Variants in KCNB2 observed in about 807,000 individuals in gnomAD.
KCNB2 encodes the protein potassium voltage-gated channel subfamily B member 2, also known as delayed rectifier potassium channel protein.
In KCNB2, 15 loss-of-function variants were observed where a neutral mutation model predicts 61.5. The ratio of observed to expected loss-of-function variants is 0.24; its 90% CI spans 0.16 to 0.38. KCNB2 has a LOEUF of 0.38. Ranked by LOEUF, KCNB2 falls within the 10% of genes least tolerant of loss-of-function variation. The pLI is 1.00. For synonymous variants in KCNB2, 457 were observed against 446.0 expected (o/e 1.02, Z -0.31); for missense variants, 828 against 1,125.2 (o/e 0.74, Z 3.78).
chr8:72,702,950 A>G (rs962838740), intron 2 of KCNB2, among the ~76,000 whole-genome samples: 1 of 152,196 alleles, frequency 6.6e-6, no homozygotes, highest in Non-Finnish European at 1.5e-5. Flanking sequence ...CCTTCTGCAC[A>G]GTGACCTGGA....
At chr8:72,754,290 A>T (rs1808248872) in intron 2 of KCNB2, among the ~76,000 whole-genome samples, 1 of 152,216 alleles carries the variant, frequency 6.6e-6, no homozygotes, top group South Asian at 2.1e-4. Context: ...GGGGACCTTG[A>T]GTATGGACAG....
chr8:72,752,489 A>C, intron 2 of KCNB2, among the ~76,000 whole-genome samples: 1 of 152,134 alleles, frequency 6.6e-6, no homozygotes, highest in South Asian at 2.1e-4. Flanking sequence ...TTTCTCCCTC[A>C]CTGCTGGAGC....
chr8:72,704,250 A>G (rs80060691), intron 2 of KCNB2, among the ~76,000 whole-genome samples: 187 of 152,324 alleles, frequency 1.2e-3, no homozygotes, highest in African/African-American at 4.1e-3. Flanking sequence ...ATTAATGACT[A>G]CTAACATTTG....
chr8:72,906,301 C>T (rs796603271), intron 2 of KCNB2, among the ~76,000 whole-genome samples: 7 of 152,302 alleles, frequency 4.6e-5, no homozygotes, highest in African/African-American at 1.7e-4. Flanking sequence ...TTTTAAGAAG[C>T]CAATGAATCT....
chr8:72,794,726 G>A (rs550806236), intron 2 of KCNB2, among the ~76,000 whole-genome samples: 4 of 152,252 alleles, frequency 2.6e-5, no homozygotes, highest in African/African-American at 9.6e-5. Context: ...GATCTAATAG[G>A]CAATTGAATA....
chr8:72,718,764 G>A (rs763320715), intron 2 of KCNB2, among the ~76,000 whole-genome samples: 7 of 152,056 alleles, frequency 4.6e-5, no homozygotes, highest in Non-Finnish European at 8.8e-5. Flanking sequence ...ATATACATAT[G>A]TAACAAACCT....
intron 2 of KCNB2, among the ~76,000 whole-genome samples, chr8:72,843,792 A>G (rs549276091): frequency 3.3e-5 from 5 of 152,062 alleles, no homozygotes; most frequent in Non-Finnish European, 5.9e-5. Flanking sequence ...TTGCTTGGTA[A>G]ATATTCCTCC....
intron 2 of KCNB2, among the ~76,000 whole-genome samples, chr8:72,780,108 C>T (rs544972162): frequency 6.6e-6 from 1 of 152,270 alleles, no homozygotes; most frequent in Admixed American, 6.5e-5. Flanking sequence ...TAAGTGGAAT[C>T]TAGTGGTTCA....
chr8:72,768,818 AT>A (rs1314666588), intron 2 of KCNB2, among the ~76,000 whole-genome samples: 1 of 151,970 alleles, frequency 6.6e-6, no homozygotes, highest in African/African-American at 2.4e-5. Flanking sequence ...TGAAAACACT[AT>A]TTTTCCCCCC....
At chr8:72,744,552 T>G (rs1473356164) in intron 2 of KCNB2, among the ~76,000 whole-genome samples, 1 of 152,120 alleles carries the variant, frequency 6.6e-6, no homozygotes, top group Non-Finnish European at 1.5e-5. Context: ...CAGTAAGCCC[T>G]TTAAAGAAAA....
At chr8:72,713,355 C>A (rs1482998465) in intron 2 of KCNB2, among the ~76,000 whole-genome samples, 1 of 152,244 alleles carries the variant, frequency 6.6e-6, no homozygotes, top group Non-Finnish European at 1.5e-5. Flanking sequence ...AACGGGCAGA[C>A]TGCCTCTTCA....
At chr8:72,705,981 C>T (rs1027362372) in intron 2 of KCNB2, among the ~76,000 whole-genome samples, 4 of 152,178 alleles carry the variant, frequency 2.6e-5, no homozygotes, top group Admixed American at 1.3e-4. Context: ...GAGTTGGTTA[C>T]AGGACTAGGG....
chr8:72,772,618 A>T (rs1241951235), intron 2 of KCNB2, among the ~76,000 whole-genome samples: 1 of 152,136 alleles, frequency 6.6e-6, no homozygotes, highest in Non-Finnish European at 1.5e-5. Flanking sequence ...CTTAAGCACC[A>T]GGTCTTTTCT....
At chr8:72,893,936 TC>T (rs1337190493) in intron 2 of KCNB2, among the ~76,000 whole-genome samples, 1 of 152,138 alleles carries the variant, frequency 6.6e-6, no homozygotes, top group Non-Finnish European at 1.5e-5. Flanking sequence ...TTTCATGCCA[TC>T]CCTAATTATT....
Position 72,569,655 on chromosome 8 carries a change from T to C in KCNB2, c.579+1342T>C, listed in dbSNP as rs557584685. Among the ~76,000 whole-genome samples the C allele has an allele frequency of 2.0e-5, 3 of 152,302 alleles. No homozygotes were observed. The East Asian group carries it at 5.8e-4, about 29-fold the overall frequency. On this transcript the variant is annotated intron_variant, in intron 2 of 2. Coordinates refer to ENST00000523207, the MANE Select transcript of KCNB2 (RefSeq NM_004770.3). ...TTGTAAAAAAAAAATGTGCCGCATT[T>C]GTGGGTTTTGATTGAGAAAGGCTAC...
At chr8:72,833,388 A>C (rs1809729717) in intron 2 of KCNB2, among the ~76,000 whole-genome samples, 2 of 152,142 alleles carry the variant, frequency 1.3e-5, no homozygotes, top group Admixed American at 6.5e-5. Flanking sequence ...GAAAAATGTG[A>C]CACAATGTCA....
At chr8:72,687,911 G>C (rs1201511909) in intron 2 of KCNB2, among the ~76,000 whole-genome samples, 1 of 152,180 alleles carries the variant, frequency 6.6e-6, no homozygotes, top group East Asian at 1.9e-4. Flanking sequence ...GGCAAAAGCA[G>C]GGGATCCTAC....
At chr8:72,773,641 A>G (rs933412088) in intron 2 of KCNB2, among the ~76,000 whole-genome samples, 2 of 152,162 alleles carry the variant, frequency 1.3e-5, no homozygotes, top group Admixed American at 6.5e-5. Context: ...AGTCTGCCCA[A>G]GCTGTTTTTG....
At chr8:72,557,709 A>AG (rs1806450004) in intron 1 of KCNB2, among the ~76,000 whole-genome samples, 1 of 152,224 alleles carries the variant, frequency 6.6e-6, no homozygotes, top group African/African-American at 2.4e-5. Flanking sequence ...TCCACAGACT[A>AG]GGAGCTTCTC....
Sources: gnomAD v4.1 joint callset for allele counts (sites outside exome capture counted in the v4.1 genomes callset) on GRCh38, gnomAD v4.1.1 for gene constraint, MANE v1.5 for transcripts, NCBI Gene and HGNC (gene_info 2026-07-23, HGNC 2026-07-21) for gene names.